The following CACNA2D4 variants were observed in gnomAD, a reference collection of about 807,000 sequenced individuals.
The protein encoded by CACNA2D4 is voltage-dependent calcium channel subunit alpha-2/delta-4.
Under a neutral mutation model 163.8 loss-of-function variants are expected in CACNA2D4, and 157 were observed. That is an observed-to-expected ratio of 0.96 (90% CI 0.84 to 1.09). The LOEUF (loss-of-function observed/expected upper bound fraction) is 1.09. Ranked by LOEUF, CACNA2D4 falls within the 50% of genes least tolerant of loss-of-function variation. CACNA2D4 has a pLI of 0.00. For synonymous variants in CACNA2D4, 598 were observed against 586.9 expected, an observed-to-expected ratio of 1.02 and a Z score of -0.27; for missense variants, 1,410 against 1,479.9, an observed-to-expected ratio of 0.95 and a Z score of 0.78.
intron 18 of CACNA2D4, among the ~76,000 whole-genome samples, chr12:1,872,371 G>A (rs149125582): frequency 1.8e-3 from 272 of 152,302 alleles, no homozygotes; most frequent in African/African-American, 6.3e-3. Flanking sequence ...TGGAAAATAA[G>A]GATACCTATA....
Position 1,802,378 on chromosome 12 carries a change from A to G in CACNA2D4, c.2722-734T>C, listed in dbSNP as rs1312587744. Reference sequence around the variant, plus strand: ...TCACTCTTGCCTTCATTTCCAAAAAATAAAACAGGACCCTCCCTCCTGCCC... The same window carrying G: ...TCACTCTTGCCTTCATTTCCAAAAAGTAAAACAGGACCCTCCCTCCTGCCC... On this transcript the variant is annotated intron_variant, in intron 29 of 37. Coordinates refer to ENST00000382722, the MANE Select transcript of CACNA2D4 (RefSeq NM_172364.5). The surrounding 1 kb of genome is among the most constrained non-coding windows in gnomAD (Gnocchi z 4.7). 6.6e-6 allele frequency among the ~76,000 whole-genome samples: 1 copy of G among 152,202 alleles called. No individual in the cohort carries two copies. Among genetic ancestry groups the G allele is most frequent in the Non-Finnish European group, 1.5e-5 (1 of 68,042 alleles).
intron 26 of CACNA2D4, 27 bp downstream of exon 26, chr12:1,840,712 C>A: frequency 6.3e-7 from 1 of 1,597,606 alleles, no homozygotes; most frequent in Non-Finnish European, 8.6e-7. Context: ...AGCTTCCTGG[C>A]CTCAACACCA....
At chr12:1,911,102 C>A (rs1332195912) in intron 3 of CACNA2D4, among the ~76,000 whole-genome samples, 1 of 148,306 alleles carries the variant, frequency 6.7e-6, no homozygotes, top group South Asian at 2.1e-4. Flanking sequence ...CGGCTCACTG[C>A]AACCCCCTCC....
intron 26 of CACNA2D4, among the ~76,000 whole-genome samples, chr12:1,826,997 C>T (rs1406383245): frequency 6.6e-6 from 1 of 152,246 alleles, no homozygotes; most frequent in African/African-American, 2.4e-5. Flanking sequence ...AGGGAGGCTG[C>T]AACCAGGAAT....
At chr12:1,906,530 G>C (rs186451798) in intron 6 of CACNA2D4, among the ~76,000 whole-genome samples, 1 of 152,152 alleles carries the variant, frequency 6.6e-6, no homozygotes, top group Admixed American at 6.5e-5. Context: ...TGACTGATGC[G>C]TTCACATCTG....
chr12:1,836,851 A>G (rs960752955), intron 26 of CACNA2D4: 3 of 152,580 alleles, frequency 2.0e-5, no homozygotes, highest in African/African-American at 7.2e-5. Flanking sequence ...ACCGGTGGCC[A>G]TGATCCTGAT....
intron 29 of CACNA2D4, among the ~76,000 whole-genome samples, chr12:1,804,812 C>T (rs901745260): frequency 1.3e-5 from 2 of 152,238 alleles, no homozygotes; most frequent in African/African-American, 4.8e-5. Context: ...TGGGATCGTG[C>T]GGATGGGGAC....
rs199688605 is a variant in CACNA2D4 at position 1,840,791 on chromosome 12, C to T, written c.2499G>A (p.Thr833=). 501 of 1,613,900 alleles carry T rather than the reference C, an allele frequency of 3.1e-4. 4 individuals are homozygous for T. In the African/African-American group the frequency reaches 4.0e-3, roughly 13 times the overall value. The part of the protein sequence containing the change: ...PESAGEPMVV[T]ASTAVAVTVD... The stretch of plus-strand genomic sequence containing the variant: ...CGGTCACCGCCACAGCTGTGCTTGC[C>T]GTCACCACCATGGGTTCACCCGCAC... The change falls in exon 26 of 38, where the codon ACG becomes ACA. Residue 833 remains threonine, a synonymous_variant. Transcript: ENST00000382722.
chr12:1,892,085 C>T (rs1866298354), intron 6 of CACNA2D4, among the ~76,000 whole-genome samples: 1 of 72,926 alleles, frequency 1.4e-5, no homozygotes, highest in African/African-American at 5.6e-5. Flanking sequence ...GATCCCCAAA[C>T]AGATATAATT....
Position 1,805,751 on chromosome 12 carries a change from G to C in CACNA2D4, c.2722-4107C>G, listed in dbSNP as rs536502955. Among the ~76,000 whole-genome samples, 4 of 152,354 alleles carry C rather than the reference G, an allele frequency of 2.6e-5. No individual in the cohort carries two copies. In the East Asian group the frequency reaches 5.8e-4, roughly 22 times the overall value. On this transcript the variant is annotated intron_variant, in intron 29 of 37. Coordinates refer to ENST00000382722, the MANE Select transcript of CACNA2D4 (RefSeq NM_172364.5). ...CCAGTGGAGCAGGGCCATTTGGGAC[G>C]CCAGGAAGGTAGAAGGAGCACCGCT...
chr12:1,915,293 C>T, intron 1 of CACNA2D4: 2 of 702,224 alleles, frequency 2.8e-6, no homozygotes, highest in Non-Finnish European at 5.2e-6. Flanking sequence ...GCTGAATGTC[C>T]TCGGCAGGTT....
rs567437809 is a variant in CACNA2D4 at position 1,802,468 on chromosome 12, G to A, written c.2722-824C>T. Among the ~76,000 whole-genome samples the A allele has an allele frequency of 1.4e-4, 21 of 152,274 alleles. No individual in the cohort carries two copies. The highest frequency in any genetic ancestry group is 4.6e-4 in the African/African-American group (19 of 41,560). On this transcript the variant is annotated intron_variant, in intron 29 of 37. Transcript: ENST00000382722. This position sits in a 1 kb window ranked among gnomAD's most constrained non-coding sequence, Gnocchi z 4.7. ...GCTTCTGTGCCCTGTGCCAAGCAGC[G>A]GCCCCCTAGCTGGCTGAGAATGGCC...
intron 6 of CACNA2D4, among the ~76,000 whole-genome samples, chr12:1,901,170 C>T (rs1866527902): frequency 6.6e-6 from 1 of 151,972 alleles, no homozygotes; most frequent in Non-Finnish European, 1.5e-5. Flanking sequence ...GGAAACACAA[C>T]ATACTAAAAC....
chr12:1,801,585 C>A lies in CACNA2D4; in HGVS notation c.2781G>T (p.Gly927=), dbSNP rs1181253463. The A allele has an allele frequency of 5.0e-6, 8 of 1,588,744 alleles. No homozygotes were observed. Among genetic ancestry groups the A allele is most frequent in the Non-Finnish European group, 6.9e-6 (8 of 1,167,360 alleles). The change falls in exon 30 of 38, where the codon GGG becomes GGT. Residue 927 remains glycine (G), a synonymous_variant. Transcript: ENST00000382722. ...TGTGCCCCACTTACTGGCTGAACAC[C>A]CCCATGCTGAGCAGCTGGGTCAGGA... The part of the protein sequence containing the change: ...GAVLTQLLSM[G]VFSQVTMYDY...
rs371450855 is a variant in CACNA2D4 at position 1,882,840 on chromosome 12, C to T, written c.1485+27G>A. ...GTCCCTAACTCTGAGGTGGGCTTCT[C>T]GAGCTGGGAGCTGCTGCCAGGCTCA... On this transcript the variant is annotated intron_variant, in intron 13 of 37. Coordinates refer to ENST00000382722, the MANE Select transcript of CACNA2D4 (RefSeq NM_172364.5). The T allele has an allele frequency of 6.3e-5, 102 of 1,612,340 alleles. No individual in the cohort carries two copies. The African/African-American group carries it at 8.3e-4, about 13-fold the overall frequency.
At position 1,828,261 on chromosome 12, in the gene CACNA2D4, G is replaced by A. The variant is rs141221589; in HGVS notation, c.2551+12478C>T. On this transcript the variant is annotated intron_variant, in intron 26 of 37. Transcript: ENST00000382722. The surrounding 1 kb of genome is among the most constrained non-coding windows in gnomAD (Gnocchi z 4.2). ...GGAGGGGGGTGCGGGTTGGGTGGGG[G>A]TGCCGAGGTGACTGTAGGTAGCGCC... 4 of 1,487,014 alleles carry A rather than the reference G, an allele frequency of 2.7e-6. No individual in the cohort carries two copies. The highest frequency in any genetic ancestry group is 2.8e-5 in the African/African-American group (2 of 71,102). 92.1% of individuals were successfully genotyped at this position (1,487,014 alleles called of 1,614,324 possible). A position where few individuals can be genotyped will look rare whatever the true frequency, so the allele number is the denominator to read the frequency against.
chr12:1,885,054 T>A lies in CACNA2D4; in HGVS notation c.1091A>T (p.Glu364Val). The stretch of plus-strand genomic sequence containing the variant: ...GACCCCCACACCTTTGACCATCAAC[T>A]CCTCCACCAGCAGTTTGAAATGCTG... ...NREHFKLLVE[E>V]LMVKGVGVVD... The change falls in exon 10 of 38, where the codon GAG becomes GTG. Residue 364 changes from glutamate (E) to valine (V), a missense_variant. Coordinates refer to ENST00000382722, the MANE Select transcript of CACNA2D4 (RefSeq NM_172364.5). The A allele has an allele frequency of 1.2e-6, 2 of 1,613,894 alleles. No homozygotes were observed. The highest frequency in any genetic ancestry group is 1.7e-6 in the Non-Finnish European group (2 of 1,179,870).
At chr12:1,884,905 A>G in intron 10 of CACNA2D4, 24 bp from the exon 11 acceptor site, 1 of 1,607,602 alleles carries the variant, frequency 6.2e-7, no homozygotes, top group Non-Finnish European at 8.5e-7. Context: ...AGGAGTGCCC[A>G]TGACCACAGG....
chr12:1,797,544 G>T lies in CACNA2D4; in HGVS notation c.2996-9C>A. On this transcript the variant is annotated splice_polypyrimidine_tract_variant and intron_variant, in intron 34 of 37. Transcript: ENST00000382722. Reference sequence around the variant, plus strand: ...CTTCTTGTGTTTGTGGGCTGCGGGCGGAGAAAGGACATCACGCCACCGAAG... The same window carrying T: ...CTTCTTGTGTTTGTGGGCTGCGGGCTGAGAAAGGACATCACGCCACCGAAG... 8 of 1,551,150 alleles carry T rather than the reference G, an allele frequency of 5.2e-6. No homozygotes were observed. The highest frequency in any genetic ancestry group is 6.1e-6 in the Non-Finnish European group (7 of 1,147,920).
Sources: allele counts gnomAD v4.1 joint callset (sites outside exome capture counted in the v4.1 genomes callset), GRCh38; gene constraint gnomAD v4.1.1; non-coding constraint Gnocchi (gnomAD v3.1); transcripts MANE v1.5; gene names NCBI Gene and HGNC (gene_info 2026-07-23, HGNC 2026-07-21).